NRG3: variants seen among roughly 807,000 people sequenced by gnomAD.
NRG3 encodes pro-neuregulin-3, membrane-bound isoform.
NRG3 carries 31 observed loss-of-function variants against 66.9 expected under a neutral mutation model. That is an observed-to-expected ratio of 0.46 (90% CI 0.35 to 0.63). The LOEUF (loss-of-function observed/expected upper bound fraction) is 0.63. Among genes scored for constraint, NRG3 ranks in the 20% least tolerant of loss-of-function variants. The probability of loss-of-function intolerance (pLI) is 0.00; values close to 1 mark genes in which losing one functional copy is unlikely to be tolerated. For synonymous variants in NRG3, 393 were observed against 359.4 expected (o/e 1.09, Z -1.06); for missense variants, 910 against 878.9 (o/e 1.04, Z -0.45).
intron 1 of NRG3, among the ~76,000 whole-genome samples, chr10:82,099,480 G>A (rs991424722): frequency 1.3e-5 from 2 of 152,220 alleles, no homozygotes; most frequent in African/African-American, 2.4e-5. Context: ...CTTTTACTAG[G>A]TAGTCTTGAA....
At chr10:82,165,469 A>T (rs1313605664) in intron 1 of NRG3, among the ~76,000 whole-genome samples, 2 of 152,056 alleles carry the variant, frequency 1.3e-5, no homozygotes, top group African/African-American at 2.4e-5. Context: ...TATTTTACAT[A>T]TGTAAAATTA....
intron 2 of NRG3, among the ~76,000 whole-genome samples, chr10:82,684,479 A>G (rs971020657): frequency 2.0e-5 from 3 of 152,160 alleles, no homozygotes; most frequent in African/African-American, 7.2e-5. Flanking sequence ...TTGAAAACCA[A>G]ATTTCAAAAT....
At chr10:82,948,384 C>T (rs184913209) in intron 4 of NRG3, among the ~76,000 whole-genome samples, 148 of 152,164 alleles carry the variant, frequency 9.7e-4, no homozygotes, top group Non-Finnish European at 1.5e-3. Flanking sequence ...GCTACAGGAA[C>T]GTTGTTTTGG....
At position 81,978,229 on chromosome 10, in the gene NRG3, A is replaced by G. The variant is rs944510046; in HGVS notation, c.823+102066A>G. Among the ~76,000 whole-genome samples the G allele has an allele frequency of 3.3e-5, 5 of 152,286 alleles. No individual in the cohort carries two copies. The East Asian group carries it at 9.6e-4, about 29-fold the overall frequency. On this transcript the variant is annotated intron_variant, in intron 1 of 8. Transcript: ENST00000372141. ...TATCATCTGTATTAAGAAAATACGG[A>G]TATATGGATGAGAGGACAACAGGTT... is the stretch of plus-strand genomic sequence containing the variant.
intron 3 of NRG3, among the ~76,000 whole-genome samples, chr10:82,788,565 G>T (rs145366424): frequency 4.6e-5 from 7 of 151,892 alleles, no homozygotes; most frequent in Non-Finnish European, 7.4e-5. Flanking sequence ...GTGAGACTCC[G>T]TCTCAAAAAA....
At chr10:82,570,796 C>T (rs1454043105) in intron 2 of NRG3, among the ~76,000 whole-genome samples, 1 of 151,574 alleles carries the variant, frequency 6.6e-6, no homozygotes, top group Non-Finnish European at 1.5e-5. Context: ...TTCTGGAGGA[C>T]TCATATGTAA....
At chr10:82,348,113 A>G (rs1362271953) in intron 1 of NRG3, among the ~76,000 whole-genome samples, 5 of 148,256 alleles carry the variant, frequency 3.4e-5, no homozygotes, top group South Asian at 2.1e-4. Flanking sequence ...TGTCATTATG[A>G]TGTTAGCTGG....
intron 1 of NRG3, among the ~76,000 whole-genome samples, chr10:82,008,104 C>T (rs1178332812): frequency 6.6e-6 from 1 of 152,168 alleles, no homozygotes; most frequent in Non-Finnish European, 1.5e-5. Context: ...TCCCATTTCT[C>T]ATGAGGCTTC....
At chr10:82,599,137 A>T (rs1340174444) in intron 2 of NRG3, among the ~76,000 whole-genome samples, 1 of 152,206 alleles carries the variant, frequency 6.6e-6, no homozygotes, top group East Asian at 1.9e-4. Flanking sequence ...CAAATTAGTC[A>T]GGGATTTTTT....
At chr10:82,299,282 T>C (rs990269573) in intron 1 of NRG3, among the ~76,000 whole-genome samples, 2 of 152,216 alleles carry the variant, frequency 1.3e-5, no homozygotes, top group African/African-American at 4.8e-5. Context: ...ACTTAACACA[T>C]ATTTAGTACA....
intron 3 of NRG3, among the ~76,000 whole-genome samples, chr10:82,740,326 G>A (rs2058362636): frequency 6.6e-6 from 1 of 151,222 alleles, no homozygotes. Context: ...AAAGGGCAAG[G>A]TCTTGCATAT....
intron 1 of NRG3, among the ~76,000 whole-genome samples, chr10:81,935,713 A>G (rs1284124458): frequency 6.6e-6 from 1 of 152,128 alleles, no homozygotes; most frequent in Non-Finnish European, 1.5e-5. Flanking sequence ...GACTTCTCCC[A>G]CAGTATTCAT....
rs909286601 is a variant in NRG3, at chr10:81,985,880, G to A, written c.823+109717G>A. Among the ~76,000 whole-genome samples, 7 of 152,282 alleles carry A rather than the reference G, an allele frequency of 4.6e-5. No homozygotes were observed. The South Asian group carries it at 1.5e-3, about 32-fold the overall frequency. On this transcript the variant is annotated intron_variant, in intron 1 of 8. Transcript: ENST00000372141. Reference sequence around the variant, plus strand: ...AGAGCATAATATATACCATAACATAGCGTAGGTATATTTGCATAAATCTGT... The same window carrying A: ...AGAGCATAATATATACCATAACATAACGTAGGTATATTTGCATAAATCTGT...
chr10:82,448,382 G>A (rs929463900), intron 2 of NRG3, among the ~76,000 whole-genome samples: 4 of 152,170 alleles, frequency 2.6e-5, no homozygotes, highest in Non-Finnish European at 2.9e-5. Context: ...TTAAAAATAT[G>A]TATTTTAAAC....
chr10:81,965,257 GTC>G (rs1251477563), intron 1 of NRG3, among the ~76,000 whole-genome samples: 6 of 152,118 alleles, frequency 3.9e-5, no homozygotes, highest in Non-Finnish European at 8.8e-5. Context: ...AAAAATTTCT[GTC>G]TCTCTCTGTC....
chr10:82,555,867 C>A (rs1188846328), intron 2 of NRG3, among the ~76,000 whole-genome samples: 2 of 152,076 alleles, frequency 1.3e-5, no homozygotes, highest in African/African-American at 4.8e-5. Context: ...CATTTATTTC[C>A]TGCTACCACC....
At chr10:82,594,951 AATTT>A (rs1158640162) in intron 2 of NRG3, among the ~76,000 whole-genome samples, 5 of 151,804 alleles carry the variant, frequency 3.3e-5, no homozygotes, top group Non-Finnish European at 4.4e-5. Context: ...ATGAATATCC[AATTT>A]ATTTTTCTTT....
intron 1 of NRG3, among the ~76,000 whole-genome samples, chr10:82,105,162 G>A (rs906854039): frequency 6.6e-6 from 1 of 152,030 alleles, no homozygotes; most frequent in Non-Finnish European, 1.5e-5. Flanking sequence ...AAAAGTATTG[G>A]AGCTATTCTA....
At chr10:82,042,292 T>C (rs1478679955) in intron 1 of NRG3, among the ~76,000 whole-genome samples, 2 of 152,100 alleles carry the variant, frequency 1.3e-5, no homozygotes, top group Non-Finnish European at 2.9e-5. Flanking sequence ...CATTTGGAAC[T>C]GAAATTTAAA....
Sources: allele counts gnomAD v4.1 joint callset (sites outside exome capture counted in the v4.1 genomes callset), GRCh38; gene constraint gnomAD v4.1.1; transcripts MANE v1.5; gene names NCBI Gene and HGNC (gene_info 2026-07-23, HGNC 2026-07-21).